Variants in DZIP3 observed in about 807,000 individuals in gnomAD.
DZIP3 encodes the protein E3 ubiquitin-protein ligase DZIP3.
A neutral mutation model predicts 162.0 loss-of-function variants in DZIP3; 118 were observed. The observed-to-expected ratio is 0.73, with a 90% confidence interval of 0.63 to 0.85. DZIP3 has a LOEUF of 0.85. Ranked by LOEUF, DZIP3 falls within the 40% of genes least tolerant of loss-of-function variation. DZIP3 has a pLI of 0.00. For synonymous variants in DZIP3, 438 were observed against 458.6 expected, an observed-to-expected ratio of 0.96 and a Z score of 0.57; for missense variants, 1,331 against 1,407.0, an observed-to-expected ratio of 0.95 and a Z score of 0.86.
chr3:108,605,138 G>T (rs1940265197), intron 1 of DZIP3, among the ~76,000 whole-genome samples, 197 bp from the exon 2 acceptor site: 1 of 152,052 alleles, frequency 6.6e-6, no homozygotes, highest in Non-Finnish European at 1.5e-5. Context: ...TTACAAATTG[G>T]TAAAATATAC....
At chr3:108,661,147 A>G (rs1274057641) in intron 19 of DZIP3, among the ~76,000 whole-genome samples, 2 of 152,218 alleles carry the variant, frequency 1.3e-5, no homozygotes, top group African/African-American at 4.8e-5. Flanking sequence ...ATATACCCAA[A>G]GGATTATAAA....
intron 8 of DZIP3, among the ~76,000 whole-genome samples, chr3:108,630,249 G>A (rs1005954627): frequency 6.6e-6 from 1 of 151,824 alleles, no homozygotes; most frequent in African/African-American, 2.4e-5. Flanking sequence ...GTTTCTCTTG[G>A]TTAATGTTTG....
At chr3:108,605,196 G>A (rs1044114834) in intron 1 of DZIP3, 139 bp from the exon 2 acceptor site, 1 of 614,548 alleles carries the variant, frequency 1.6e-6, no homozygotes, top group Non-Finnish European at 2.8e-6. Flanking sequence ...TAGTGATTAT[G>A]TTTGGGTGGC....
At position 108,644,208 on chromosome 3, in the gene DZIP3, C is replaced by T; in HGVS notation, c.1186C>T (p.Leu396=). ...GCTTGATTATAATTATTTCTATCATCTGCTTCATATAATTATTATTTCTGG... is the reference window on the plus strand; with the variant it reads ...GCTTGATTATAATTATTTCTATCATTTGCTTCATATAATTATTATTTCTGG... ...FKLDYNYFYH[L]LHIIIISGTD... The change falls in exon 14 of 33, where the codon CTG becomes TTG. Residue 396 remains leucine, a synonymous_variant. Transcript: ENST00000361582. The T allele has an allele frequency of 1.2e-6, 2 of 1,607,738 alleles. No homozygotes were observed. Among genetic ancestry groups the T allele is most frequent in the South Asian group, 2.2e-5 (2 of 90,042 alleles).
chr3:108,617,147 C>G (rs1374529408), intron 5 of DZIP3, among the ~76,000 whole-genome samples: 2 of 151,994 alleles, frequency 1.3e-5, no homozygotes, highest in Non-Finnish European at 2.9e-5. Flanking sequence ...TCAAAAGATA[C>G]AAAATTTCAG....
At chr3:108,593,097 T>G (rs1347380253) in intron 1 of DZIP3, among the ~76,000 whole-genome samples, 2 of 152,254 alleles carry the variant, frequency 1.3e-5, no homozygotes, top group Non-Finnish European at 2.9e-5. Context: ...TGCCAAAAAT[T>G]ATCCAGTTTT....
At chr3:108,654,731 T>C (rs1238409972) in intron 19 of DZIP3, among the ~76,000 whole-genome samples, 2 of 152,096 alleles carry the variant, frequency 1.3e-5, no homozygotes, top group Non-Finnish European at 2.9e-5. Flanking sequence ...ACAGAAAATA[T>C]TGATGTATAA....
chr3:108,685,488 G>A (rs1944465220), intron 27 of DZIP3, among the ~76,000 whole-genome samples: 1 of 152,048 alleles, frequency 6.6e-6, no homozygotes, highest in Non-Finnish European at 1.5e-5. Flanking sequence ...TACATAAAAG[G>A]TGCAAGTGGT....
At chr3:108,621,893 G>T (rs1292555556) in intron 5 of DZIP3, among the ~76,000 whole-genome samples, 1 of 152,008 alleles carries the variant, frequency 6.6e-6, no homozygotes, top group Non-Finnish European at 1.5e-5. Flanking sequence ...CGAAAATATG[G>T]TACATATACA....
intron 26 of DZIP3, 58 bp downstream of exon 26, chr3:108,677,656 C>T: frequency 2.9e-6 from 4 of 1,379,480 alleles, no homozygotes; most frequent in Non-Finnish European, 4.1e-6. Flanking sequence ...ATGGTAAGGG[C>T]TGTGAAACAC....
At chr3:108,610,898 T>G (rs1190400198) in intron 3 of DZIP3, among the ~76,000 whole-genome samples, 1 of 152,252 alleles carries the variant, frequency 6.6e-6, no homozygotes, top group Non-Finnish European at 1.5e-5. Context: ...TTCAAGTTGC[T>G]GTGTGTTTAA....
intron 19 of DZIP3, among the ~76,000 whole-genome samples, chr3:108,660,114 T>C (rs2107287322): frequency 6.6e-6 from 1 of 152,272 alleles, no homozygotes; most frequent in East Asian, 1.9e-4. Context: ...CCAATGACTT[T>C]TTTCACAGAA....
At chr3:108,611,964 A>AG (rs1368057461) in intron 4 of DZIP3, among the ~76,000 whole-genome samples, 1 of 20,062 alleles carries the variant, frequency 5.0e-5, no homozygotes, top group South Asian at 2.1e-3. Flanking sequence ...ACTCTGTCTC[A>AG]AAAAAAAAAA....
rs200793544 is a variant in DZIP3 at position 108,654,132 on chromosome 3, G to A, written c.2034-13G>A. Reference sequence around the variant, plus strand: ...AATTGTAAAAGCTCACATTGATTATGTCACGACTACAGCCCATATGTGGTA... The same window carrying A: ...AATTGTAAAAGCTCACATTGATTATATCACGACTACAGCCCATATGTGGTA... On this transcript the variant is annotated splice_polypyrimidine_tract_variant and intron_variant, in intron 18 of 32. Transcript: ENST00000361582. 2.5e-4 allele frequency: 407 copies of A among 1,611,340 alleles called. 1 individual carries two copies. Among genetic ancestry groups the A allele is most frequent in the South Asian group, 8.3e-4 (75 of 90,792 alleles).
In DZIP3 at chr3:108,686,426, A is replaced by C. The variant is rs368101024; in HGVS notation, c.3010-19A>C. The stretch of plus-strand genomic sequence containing the variant: ...TTAATAATTAAACCTGCTGGGCTAT[A>C]GCTCTCTGCCTCTTACAGATGACTG... On this transcript the variant is annotated intron_variant, in intron 27 of 32. Transcript: ENST00000361582. 3.2e-5 allele frequency: 50 copies of C among 1,542,062 alleles called. No homozygotes were observed. The highest frequency in any genetic ancestry group is 4.3e-5 in the Non-Finnish European group (50 of 1,149,560).
chr3:108,590,745 C>T (rs1283770851), intron 1 of DZIP3, among the ~76,000 whole-genome samples: 2 of 152,234 alleles, frequency 1.3e-5, no homozygotes, highest in Non-Finnish European at 2.9e-5. Flanking sequence ...CTTACAGATT[C>T]TAGCTCCACC....
intron 5 of DZIP3, among the ~76,000 whole-genome samples, chr3:108,620,448 A>G (rs943868524): frequency 6.6e-6 from 1 of 152,212 alleles, no homozygotes; most frequent in African/African-American, 2.4e-5. Flanking sequence ...TGCAAGCAGG[A>G]CTTAATAAGG....
Position 108,675,820 on chromosome 3 carries a change from G to C in DZIP3, c.2728G>C (p.Asp910His). Residue 910 changes from aspartate (D) to histidine (H), a missense_variant, in exon 25 of 33, where the codon GAC becomes CAC. Physicochemically the swap from Asp to His is moderately conservative, Grantham distance 81 (BLOSUM62 -1). Around this residue, in one of 2 missense-constraint regions of DZIP3, gnomAD observed 1,278 missense variants for 1,317.1 expected, o/e 0.97. Coordinates refer to ENST00000361582, the MANE Select transcript of DZIP3 (RefSeq NM_014648.4). ...LESLQLKAAV[D>H]SWNAIVADVR... ...ATCACTTCAATTAAAGGCTGCGGTA[G>C]ACAGTTGGAATGCCATTGTGGCAGA... The C allele has an allele frequency of 1.2e-6, 2 of 1,610,286 alleles. No homozygotes were observed. The highest frequency in any genetic ancestry group is 1.7e-6 in the Non-Finnish European group (2 of 1,178,010).
chr3:108,609,141 T>C (rs1940558599), intron 3 of DZIP3, among the ~76,000 whole-genome samples: 2 of 152,130 alleles, frequency 1.3e-5, no homozygotes, highest in Non-Finnish European at 2.9e-5. Flanking sequence ...TCCAATCACC[T>C]CCTACCAGGT....
Sources: gnomAD v4.1 joint callset for allele counts (sites outside exome capture counted in the v4.1 genomes callset) on GRCh38, gnomAD v4.1.1 for gene constraint, gnomAD v4.1.1 regional missense constraint, MANE v1.5 for transcripts, NCBI Gene and HGNC (gene_info 2026-07-23, HGNC 2026-07-21) for gene names.